PCDHAC2: variants seen among roughly 807,000 people sequenced by gnomAD.
PCDHAC2 encodes the protein protocadherin alpha-C2.
PCDHAC2 carries 24 observed loss-of-function variants against 63.3 expected under a neutral mutation model. The ratio of observed to expected loss-of-function variants is 0.38; its 90% CI spans 0.27 to 0.53. The LOEUF is 0.53. Ranked by LOEUF, PCDHAC2 falls within the 20% of genes least tolerant of loss-of-function variation. The pLI is 0.81. For missense variants in PCDHAC2, 1,181 were observed against 1,275.2 expected, an observed-to-expected ratio of 0.93 and a Z score of 1.12; for synonymous variants, 569 against 529.4, an observed-to-expected ratio of 1.07 and a Z score of -1.03.
chr5:140,985,084 T>A (rs2097135513), intron 3 of PCDHAC2, among the ~76,000 whole-genome samples: 1 of 151,986 alleles, frequency 6.6e-6, no homozygotes. Context: ...ACTACAGGCG[T>A]GTGCCACCAA....
chr5:141,001,089 C>G (rs972790418), intron 3 of PCDHAC2, among the ~76,000 whole-genome samples: 2 of 152,042 alleles, frequency 1.3e-5, no homozygotes, highest in Admixed American at 1.3e-4. Flanking sequence ...ACCCCATAAA[C>G]TGTCTAATCC....
rs1400431511 is a variant in PCDHAC2, at chr5:140,967,150, C to T, written c.384C>T (p.Pro128=). ...LLSLEVLAHN[P]VAVSAVEVEI... Reference sequence around the variant, plus strand: ...GCTTGGAAGTGCTGGCGCACAACCCCGTGGCGGTGAGCGCCGTTGAGGTGG... The same window carrying T: ...GCTTGGAAGTGCTGGCGCACAACCCTGTGGCGGTGAGCGCCGTTGAGGTGG... The change falls in exon 1 of 4, where the codon CCC becomes CCT. Residue 128 remains proline, a synonymous_variant. Coordinates refer to ENST00000289269, the MANE Select transcript of PCDHAC2 (RefSeq NM_018899.6). The T allele has an allele frequency of 6.2e-7, 1 of 1,611,004 alleles. No homozygotes were observed. Among genetic ancestry groups the T allele is most frequent in the Non-Finnish European group, 8.5e-7 (1 of 1,177,788 alleles).
rs1483899506 is a variant in PCDHAC2, at chr5:140,967,077, G to A, written c.311G>A (p.Arg104His). Residue 104 changes from arginine to histidine, a missense_variant, in exon 1 of 4, where the codon CGC (arginine) becomes CAC (histidine). Arg to His is a conservative substitution (Grantham distance 29). Coordinates refer to ENST00000289269, the MANE Select transcript of PCDHAC2 (RefSeq NM_018899.6). ...AGTGGAGCGCTCTTCGTCAACGAGC[G>A]CATTGATCGGGAGGCGCTGTGTGAG... ...LTSGALFVNE[R>H]IDREALCEQR... The A allele has an allele frequency of 1.9e-6, 3 of 1,613,140 alleles. No individual in the cohort carries two copies. Among genetic ancestry groups the A allele is most frequent in the South Asian group, 1.1e-5 (1 of 91,058 alleles).
At position 141,010,146 on chromosome 5, in the gene PCDHAC2, C is replaced by A. The variant is rs782795358; in HGVS notation, c.*209C>A. 1 of 1,584,410 alleles carries A rather than the reference C, an allele frequency of 6.3e-7. No individual in the cohort carries two copies. Among genetic ancestry groups the A allele is most frequent in the Non-Finnish European group, 8.6e-7 (1 of 1,164,258 alleles). The stretch of plus-strand genomic sequence containing the variant: ...TAAGTCTGGTGTTAACTCTTTCTCT[C>A]CACTCTGGCTTGTTTTCAGAACCTA... On this transcript the variant is annotated 3_prime_UTR_variant, in exon 4 of 4. Transcript: ENST00000289269.
chr5:140,989,665 T>C (rs2097353443), intron 3 of PCDHAC2, among the ~76,000 whole-genome samples: 1 of 152,190 alleles, frequency 6.6e-6, no homozygotes, highest in Non-Finnish European at 1.5e-5. Context: ...TAAAAGAAAC[T>C]CTGCCCAGAT....
intron 1 of PCDHAC2, among the ~76,000 whole-genome samples, chr5:140,970,348 T>A (rs2096398928): frequency 6.6e-6 from 1 of 152,186 alleles, no homozygotes; most frequent in Admixed American, 6.5e-5. Context: ...ATTTTCTGGA[T>A]CTAAAATTTG....
Position 140,966,837 on chromosome 5 carries a change from T to C in PCDHAC2, c.71T>C (p.Leu24Pro). ...PRLRRPMPWL[L>P]LLPLLLLLLL... Reference sequence around the variant, plus strand: ...CTCCGGCGGCCCATGCCCTGGCTGCTGCTACTGCCTCTCCTGCTGCTGTTG... The same window carrying C: ...CTCCGGCGGCCCATGCCCTGGCTGCCGCTACTGCCTCTCCTGCTGCTGTTG... Residue 24 changes from leucine to proline, a missense_variant, in exon 1 of 4, where the codon CTG (leucine) becomes CCG (proline). Physicochemically the swap from Leu to Pro is moderately conservative, Grantham distance 98. Coordinates refer to ENST00000289269, the MANE Select transcript of PCDHAC2 (RefSeq NM_018899.6). 1 of 1,566,152 alleles carries C rather than the reference T, an allele frequency of 6.4e-7. No individual in the cohort carries two copies.
At chr5:140,980,623 T>C (rs1554242045) in intron 2 of PCDHAC2, among the ~76,000 whole-genome samples, 1 of 152,102 alleles carries the variant, frequency 6.6e-6, no homozygotes, top group African/African-American at 2.4e-5. Flanking sequence ...TGCGAGACTC[T>C]GTCTCAGAAG....
Position 141,009,850 on chromosome 5 carries a change from C to CAAGAAAAAG in PCDHAC2, c.2952_2960dup (p.Lys985_Lys987dup). ...TAACCTTCGGCAAAAAGGAGGAGAC[C>CAAGAAAAAG]AAGAAAAAGAAGAAAAAGAAGAAGG... On this transcript the variant is annotated inframe_insertion, in exon 4 of 4. Coordinates refer to ENST00000289269, the MANE Select transcript of PCDHAC2 (RefSeq NM_018899.6). The CAAGAAAAAG allele has an allele frequency of 1.2e-6, 2 of 1,613,572 alleles. No individual in the cohort carries two copies. Among genetic ancestry groups the CAAGAAAAAG allele is most frequent in the Non-Finnish European group, 1.7e-6 (2 of 1,179,906 alleles).
chr5:141,004,880 G>A (rs940142127), intron 3 of PCDHAC2, among the ~76,000 whole-genome samples: 2 of 152,172 alleles, frequency 1.3e-5, no homozygotes, highest in Admixed American at 6.5e-5. Context: ...TCCCTAAAGT[G>A]CTATTGTGTC....
At chr5:140,973,040 T>G (rs529820612) in intron 1 of PCDHAC2, among the ~76,000 whole-genome samples, 23 of 152,264 alleles carry the variant, frequency 1.5e-4, no homozygotes, top group African/African-American at 5.5e-4. Flanking sequence ...CTTTGAGTAC[T>G]CTAGTAGATT....
intron 3 of PCDHAC2, among the ~76,000 whole-genome samples, chr5:140,996,604 A>G (rs1554255259): frequency 1.3e-5 from 2 of 152,090 alleles, no homozygotes; most frequent in African/African-American, 4.8e-5. Flanking sequence ...CCCCATTTTC[A>G]TTTGGCAAAT....
At chr5:140,994,125 C>T (rs1007264886) in intron 3 of PCDHAC2, among the ~76,000 whole-genome samples, 6 of 152,044 alleles carry the variant, frequency 3.9e-5, no homozygotes, top group African/African-American at 9.7e-5. Flanking sequence ...GTGATAAGGG[C>T]GACAATAATG....
intron 3 of PCDHAC2, among the ~76,000 whole-genome samples, chr5:140,983,431 G>T (rs947907651): frequency 5.3e-5 from 8 of 152,198 alleles, no homozygotes; most frequent in African/African-American, 1.9e-4. Flanking sequence ...ACCACAAATT[G>T]TGTCTACTCT....
In PCDHAC2 at chr5:140,967,192, C is replaced by T. The variant is rs2096111456; in HGVS notation, c.426C>T (p.Asn142=). 6.2e-7 allele frequency: 1 copy of T among 1,613,408 alleles called. No individual in the cohort carries two copies. Among genetic ancestry groups the T allele is most frequent in the South Asian group, 1.1e-5 (1 of 91,066 alleles). Residue 142 remains asparagine, a synonymous_variant, in exon 1 of 4, where the codon AAC becomes AAT. Transcript: ENST00000289269. ...TTGAGGTGGAAATATTGGACATCAA[C>T]GACAACTCACCGCGTTTCCCGCGGC... is the stretch of plus-strand genomic sequence containing the variant. ...SAVEVEILDI[N]DNSPRFPRPN...
At position 141,010,952 on chromosome 5, in the gene PCDHAC2, T is replaced by C. The variant is rs1217882818; in HGVS notation, c.*1015T>C. On this transcript the variant is annotated 3_prime_UTR_variant, in exon 4 of 4. Coordinates refer to ENST00000289269, the MANE Select transcript of PCDHAC2 (RefSeq NM_018899.6). ...AGTCTACAGCCATTTAAATGATCAT[T>C]GCTGCTACAGAAGTGCTTTAAGAGA... 1 of 153,792 alleles carries C rather than the reference T, an allele frequency of 6.5e-6. No individual in the cohort carries two copies. Among genetic ancestry groups the C allele is most frequent in the East Asian group, 1.9e-4 (1 of 5,194 alleles). The allele number at this position is 153,792 out of a possible 1,614,324, so 9.5% of individuals were successfully genotyped here. A position where few individuals can be genotyped will look rare whatever the true frequency, so the allele number is the denominator to read the frequency against.
chr5:140,978,794 TG>T (rs1179958432), intron 1 of PCDHAC2, 154 bp from the exon 2 acceptor site: 8 of 978,628 alleles, frequency 8.2e-6, no homozygotes, highest in Non-Finnish European at 9.7e-6. Context: ...GTGCTATATA[TG>T]TAGATATCAT....
In PCDHAC2 at chr5:141,010,203, C is replaced by T; in HGVS notation, c.*266C>T. ...AGACCCAAGTTTCCTTTCTCCTCCG[C>T]CGCAAAGGAGAGGCTTCCCAGCCCC... On this transcript the variant is annotated 3_prime_UTR_variant, in exon 4 of 4. Coordinates refer to ENST00000289269, the MANE Select transcript of PCDHAC2 (RefSeq NM_018899.6). The T allele has an allele frequency of 1.3e-6, 2 of 1,552,032 alleles. No homozygotes were observed. Among genetic ancestry groups the T allele is most frequent in the Non-Finnish European group, 1.7e-6 (2 of 1,147,066 alleles).
intron 2 of PCDHAC2, among the ~76,000 whole-genome samples, chr5:140,980,889 T>C (rs1554242442): frequency 2.6e-5 from 4 of 152,202 alleles, no homozygotes; most frequent in Non-Finnish European, 4.4e-5. Flanking sequence ...GTCTTTCCAG[T>C]CTTGGACATC....
Sources: gnomAD v4.1 joint callset for allele counts (sites outside exome capture counted in the v4.1 genomes callset) on GRCh38, gnomAD v4.1.1 for gene constraint, MANE v1.5 for transcripts, NCBI Gene and HGNC (gene_info 2026-07-23, HGNC 2026-07-21) for gene names.